The following FBXO28 variants were observed in gnomAD, a reference collection of about 807,000 sequenced individuals.
The protein encoded by FBXO28 is F-box protein 28, also known as F-box only protein 28.
FBXO28 carries 8 observed loss-of-function variants against 38.1 expected under a neutral mutation model. The observed-to-expected ratio is 0.21, with a 90% confidence interval of 0.12 to 0.38. The LOEUF (loss-of-function observed/expected upper bound fraction) is 0.38. Ranked by LOEUF, FBXO28 falls within the 10% of genes least tolerant of loss-of-function variation. The pLI, the probability that FBXO28 is intolerant of heterozygous loss-of-function variation, is 1.00. For missense variants in FBXO28, 345 were observed against 460.6 expected, an observed-to-expected ratio of 0.75 and a Z score of 2.30; for synonymous variants, 168 against 173.8, an observed-to-expected ratio of 0.97 and a Z score of 0.26.
At chr1:224,123,806 A>G (rs1057140183) in intron 1 of FBXO28, among the ~76,000 whole-genome samples, 1 of 152,134 alleles carries the variant, frequency 6.6e-6, no homozygotes, top group African/African-American at 2.4e-5. Flanking sequence ...AATTTTTGTA[A>G]AACAATCAGT....
At chr1:224,149,107 CAT>C (rs772101734) in intron 3 of FBXO28, among the ~76,000 whole-genome samples, 15 of 152,094 alleles carry the variant, frequency 9.9e-5, no homozygotes, top group African/African-American at 2.2e-4. Flanking sequence ...TATTTATAAA[CAT>C]ATAATATCTA....
At chr1:224,128,932 G>C (rs1422973188) in intron 1 of FBXO28, among the ~76,000 whole-genome samples, 1 of 144,612 alleles carries the variant, frequency 6.9e-6, no homozygotes, top group African/African-American at 2.6e-5. Context: ...GCTGCAGTGA[G>C]CTGTGATCGT....
At chr1:224,119,092 TCTATTCCAG>T (rs1455984158) in intron 1 of FBXO28, among the ~76,000 whole-genome samples, 1 of 151,890 alleles carries the variant, frequency 6.6e-6, no homozygotes, top group Non-Finnish European at 1.5e-5. Flanking sequence ...TCTGTATTGC[TCTATTCCAG>T]AGAATACACT....
At chr1:224,152,797 C>T (rs758027456) in intron 3 of FBXO28, among the ~76,000 whole-genome samples, 7 of 151,814 alleles carry the variant, frequency 4.6e-5, no homozygotes, top group African/African-American at 7.3e-5. Context: ...CGCGTGATGG[C>T]GGGCAACTGT....
At chr1:224,142,451 T>A (rs1468925158) in intron 3 of FBXO28, among the ~76,000 whole-genome samples, 1 of 146,174 alleles carries the variant, frequency 6.8e-6, no homozygotes, top group African/African-American at 2.7e-5. Context: ...AGGAGTTCTT[T>A]AAGTTTTAAC....
At chr1:224,133,419 G>T in intron 2 of FBXO28, among the ~76,000 whole-genome samples, 1 of 152,230 alleles carries the variant, frequency 6.6e-6, no homozygotes, top group East Asian at 1.9e-4. Flanking sequence ...ATCATCAAAA[G>T]CATATCATCT....
At chr1:224,139,386 A>G (rs1657283343) in intron 3 of FBXO28, among the ~76,000 whole-genome samples, 1 of 151,754 alleles carries the variant, frequency 6.6e-6, no homozygotes, top group Non-Finnish European at 1.5e-5. Flanking sequence ...GAGCTCCCAT[A>G]TAGCTTATTT....
chr1:224,136,845 A>G (rs1423663546), intron 3 of FBXO28, among the ~76,000 whole-genome samples: 1 of 150,438 alleles, frequency 6.6e-6, no homozygotes, highest in Non-Finnish European at 1.5e-5. Context: ...TCTGCCACCC[A>G]GGTTTAGGCG....
Position 224,138,129 on chromosome 1 carries a change from G to A in FBXO28, c.516+3917G>A, listed in dbSNP as rs1657239906. ...TATAGTCCCAGCTACTCAGGAGACT[G>A]AGGCAGGAGAATCACTTGAACCTGG... On this transcript the variant is annotated intron_variant, in intron 3 of 4. Transcript: ENST00000366862. 2.0e-5 allele frequency among the ~76,000 whole-genome samples: 3 copies of A among 151,790 alleles called. No homozygotes were observed. The East Asian group carries it at 5.8e-4, about 29-fold the overall frequency.
At chr1:224,133,812 CA>C (rs1279318098) in intron 2 of FBXO28, among the ~76,000 whole-genome samples, 1 of 137,356 alleles carries the variant, frequency 7.3e-6, no homozygotes, top group Admixed American at 8.1e-5. Flanking sequence ...AGCCCGGCCC[CA>C]AAAAACCTAA....
At chr1:224,116,653 T>C (rs1006634326) in intron 1 of FBXO28, among the ~76,000 whole-genome samples, 1 of 152,198 alleles carries the variant, frequency 6.6e-6, no homozygotes, top group Non-Finnish European at 1.5e-5. Context: ...TCAGTTTGCT[T>C]GTCTTATTGG....
chr1:224,157,900 T>C lies in FBXO28; in HGVS notation c.*154T>C. The C allele has an allele frequency of 7.0e-7, 1 of 1,421,582 alleles. No individual in the cohort carries two copies. Among genetic ancestry groups the C allele is most frequent in the Non-Finnish European group, 9.1e-7 (1 of 1,094,954 alleles). The allele number at this position is 1,421,582 out of a possible 1,614,324, so 88.1% of individuals were successfully genotyped here. A position where few individuals can be genotyped will look rare whatever the true frequency, so the allele number is the denominator to read the frequency against. On this transcript the variant is annotated 3_prime_UTR_variant, in exon 5 of 5. Transcript: ENST00000366862. ...AACTCTTATGGTTGGGACATTCTTTTCCTGCTTCTCCTGATTGAACTGATG... is the reference window on the plus strand; with the variant it reads ...AACTCTTATGGTTGGGACATTCTTTCCCTGCTTCTCCTGATTGAACTGATG...
In FBXO28 at chr1:224,158,645, A is replaced by G. The variant is rs921537104; in HGVS notation, c.*899A>G. The G allele has an allele frequency of 5.3e-5, 8 of 152,264 alleles. No individual in the cohort carries two copies. Among genetic ancestry groups the G allele is most frequent in the African/African-American group, 1.9e-4 (8 of 41,458 alleles). 9.4% of individuals were successfully genotyped at this position (152,264 alleles called of 1,614,324 possible). On this transcript the variant is annotated 3_prime_UTR_variant, in exon 5 of 5. Transcript: ENST00000366862. ...GCTTTATCTGCTCTCTGTAGGGTTC[A>G]GGTACACTGGCTAAGGCAGAACCCC...
At chr1:224,153,034 A>G (rs560548099) in intron 3 of FBXO28, 108 bp from the exon 4 acceptor site, 108 of 747,962 alleles carry the variant, frequency 1.4e-4, no homozygotes, top group Admixed American at 1.4e-3. Flanking sequence ...ATCACCCTAC[A>G]GGTCTTTACT....
rs1047686577 is a variant in FBXO28, at chr1:224,128,846, C to T, written c.268-1626C>T. Among the ~76,000 whole-genome samples, 5 of 151,896 alleles carry T rather than the reference C, an allele frequency of 3.3e-5. No homozygotes were observed. The East Asian group carries it at 5.8e-4, about 18-fold the overall frequency. ...AAATTTTTTTTAAAAATTAGCTGCG[C>T]GGGGTGGTGCATACCTGTTGTCTCA... On this transcript the variant is annotated intron_variant, in intron 1 of 4. Transcript: ENST00000366862.
At chr1:224,119,544 G>A (rs114808411) in intron 1 of FBXO28, among the ~76,000 whole-genome samples, 2,438 of 152,062 alleles carry the variant, frequency 0.016, 72 homozygotes, top group African/African-American at 0.056. Flanking sequence ...GGGGCAGTTC[G>A]TTCTTCCAGT....
chr1:224,157,644 C>G lies in FBXO28; in HGVS notation c.1005C>G (p.Ser335=), dbSNP rs1228446275. 1.2e-6 allele frequency: 2 copies of G among 1,614,218 alleles called. No homozygotes were observed. Among genetic ancestry groups the G allele is most frequent in the African/African-American group, 1.3e-5 (1 of 75,050 alleles). Residue 335 remains serine (S), a synonymous_variant, in exon 5 of 5, where the codon TCC becomes TCG. Transcript: ENST00000366862. ...TAATGGAAAGTGCTGTAGGAAATTC[C>G]TCAGGGTCCGGGCAGAATGAGGAGT... ...REVMESAVGN[S]SGSGQNEESP...
Position 224,153,160 on chromosome 1 carries a change from C to G in FBXO28, c.535C>G (p.Arg179Gly). The G allele has an allele frequency of 6.3e-7, 1 of 1,598,726 alleles. No individual in the cohort carries two copies. Among genetic ancestry groups the G allele is most frequent in the Non-Finnish European group, 8.5e-7 (1 of 1,176,118 alleles). Reference sequence around the variant, plus strand: ...ATTTTAGGTGATTGATGAGATTTATCGTGTGTTGAGATATGTCAATTCTAC... The same window carrying G: ...ATTTTAGGTGATTGATGAGATTTATGGTGTGTTGAGATATGTCAATTCTAC... The part of the protein sequence containing the change: ...IPGKVIDEIY[R>G]VLRYVNSTRA... The change falls in exon 4 of 5, where the codon CGT becomes GGT. Residue 179 changes from arginine to glycine, a missense_variant. Transcript: ENST00000366862.
At chr1:224,121,390 C>T (rs1335952328) in intron 1 of FBXO28, among the ~76,000 whole-genome samples, 1 of 152,122 alleles carries the variant, frequency 6.6e-6, no homozygotes, top group East Asian at 1.9e-4. Flanking sequence ...CGCAGAGAAT[C>T]TAAAATTTGT....
Sources: gnomAD v4.1 joint callset for allele counts (sites outside exome capture counted in the v4.1 genomes callset) on GRCh38, gnomAD v4.1.1 for gene constraint, MANE v1.5 for transcripts, NCBI Gene and HGNC (gene_info 2026-07-23, HGNC 2026-07-21) for gene names.